The following CADM1 variants were observed in gnomAD, a reference collection of about 807,000 sequenced individuals.
The protein encoded by CADM1 is TSLC-1.
A neutral mutation model predicts 53.1 loss-of-function variants in CADM1; 15 were observed. That is an observed-to-expected ratio of 0.28 (90% CI 0.19 to 0.44). The LOEUF (loss-of-function observed/expected upper bound fraction) is 0.44. Ranked by LOEUF, CADM1 falls within the 20% of genes least tolerant of loss-of-function variation. The pLI, the probability that CADM1 is intolerant of heterozygous loss-of-function variation, is 1.00. For synonymous variants in CADM1, 281 were observed against 243.0 expected, an observed-to-expected ratio of 1.16 and a Z score of -1.45; for missense variants, 434 against 611.3, an observed-to-expected ratio of 0.71 and a Z score of 3.06.
chr11:115,418,412 A>T (rs2135263743), intron 1 of CADM1, among the ~76,000 whole-genome samples: 1 of 152,312 alleles, frequency 6.6e-6, no homozygotes, highest in African/African-American at 2.4e-5. Flanking sequence ...GAGAACTGAG[A>T]GATAAATATC....
chr11:115,402,508 G>A (rs965447241), intron 1 of CADM1, among the ~76,000 whole-genome samples: 10 of 152,142 alleles, frequency 6.6e-5, no homozygotes, highest in African/African-American at 2.4e-4. Flanking sequence ...GGGCGATAGA[G>A]TGAGACTCTG....
chr11:115,366,772 T>G (rs1355614988), intron 1 of CADM1, among the ~76,000 whole-genome samples: 5 of 152,090 alleles, frequency 3.3e-5, no homozygotes, highest in Non-Finnish European at 7.4e-5. Flanking sequence ...ACTGGAAATA[T>G]ATGACTTGAG....
intron 1 of CADM1, among the ~76,000 whole-genome samples, chr11:115,419,833 C>A (rs934037972): frequency 2.0e-5 from 3 of 152,152 alleles, no homozygotes; most frequent in Non-Finnish European, 4.4e-5. Flanking sequence ...GGCCTTTCTA[C>A]AGAAATTAAT....
At chr11:115,183,950 G>T (rs1939428313) in intron 10 of CADM1, among the ~76,000 whole-genome samples, 1 of 152,186 alleles carries the variant, frequency 6.6e-6, no homozygotes, top group African/African-American at 2.4e-5. Context: ...TTTTGCAACA[G>T]TTCTGTCACG....
rs59924462 is a variant in CADM1 at position 115,465,636 on chromosome 11, T to C, written c.124+38635A>G. Among the ~76,000 whole-genome samples the C allele has an allele frequency of 5.5e-3, 844 of 152,210 alleles. 6 individuals are homozygous for C. Among genetic ancestry groups the C allele is most frequent in the African/African-American group, 0.02 (817 of 41,540 alleles). ...CATTTTACAGACAAGAAAACGAAGGTTCAGGCAGGTTAGGTTACTTGCACA... is the reference window on the plus strand; with the variant it reads ...CATTTTACAGACAAGAAAACGAAGGCTCAGGCAGGTTAGGTTACTTGCACA... On this transcript the variant is annotated intron_variant, in intron 1 of 11. Coordinates refer to ENST00000331581, the MANE Select transcript of CADM1 (RefSeq NM_001301043.2).
intron 1 of CADM1, among the ~76,000 whole-genome samples, chr11:115,432,096 G>A (rs1206731701): frequency 1.3e-5 from 2 of 151,932 alleles, no homozygotes; most frequent in South Asian, 4.2e-4. Flanking sequence ...ACAGGTGCAC[G>A]CCACCACACC....
chr11:115,415,176 A>C (rs1180437638), intron 1 of CADM1, among the ~76,000 whole-genome samples: 1 of 152,228 alleles, frequency 6.6e-6, no homozygotes, highest in Non-Finnish European at 1.5e-5. Flanking sequence ...ATACCTGGAA[A>C]GTGAACTATT....
intron 1 of CADM1, among the ~76,000 whole-genome samples, chr11:115,463,403 G>A (rs1209002900): frequency 1.3e-5 from 2 of 151,940 alleles, no homozygotes; most frequent in Non-Finnish European, 2.9e-5. Flanking sequence ...AATTTCTTAG[G>A]TGCCATTCAC....
chr11:115,259,375 G>A (rs910725826), intron 1 of CADM1, among the ~76,000 whole-genome samples: 3 of 129,478 alleles, frequency 2.3e-5, no homozygotes, highest in South Asian at 2.5e-4. Context: ...GTGCCATCTC[G>A]GCTCACCGCA....
chr11:115,302,452 C>T (rs1343919234), intron 1 of CADM1, among the ~76,000 whole-genome samples: 1 of 151,802 alleles, frequency 6.6e-6, no homozygotes, highest in African/African-American at 2.4e-5. Flanking sequence ...TGGGAGTTTT[C>T]CAGATTTTTC....
chr11:115,244,961 G>T (rs750713989), intron 1 of CADM1, among the ~76,000 whole-genome samples: 1 of 152,174 alleles, frequency 6.6e-6, no homozygotes. Flanking sequence ...ACAAGCTCTC[G>T]CCCCCGCTGC....
chr11:115,188,516 G>A (rs1003122088), intron 10 of CADM1, among the ~76,000 whole-genome samples: 2 of 152,152 alleles, frequency 1.3e-5, no homozygotes, highest in East Asian at 1.9e-4. Flanking sequence ...GCGTGGGGGA[G>A]GTCGGGGCAA....
chr11:115,242,992 A>G (rs993244752), intron 1 of CADM1, among the ~76,000 whole-genome samples: 9 of 152,244 alleles, frequency 5.9e-5, no homozygotes, highest in African/African-American at 1.9e-4. Flanking sequence ...ACATGTATAT[A>G]GGGGATGGGA....
At chr11:115,498,359 C>T (rs1467074274) in intron 1 of CADM1, among the ~76,000 whole-genome samples, 2 of 152,152 alleles carry the variant, frequency 1.3e-5, no homozygotes, top group African/African-American at 4.8e-5. Context: ...GGTATTTATA[C>T]CATGGAGGCC....
intron 1 of CADM1, among the ~76,000 whole-genome samples, chr11:115,304,108 A>G (rs1372747119): frequency 6.6e-6 from 1 of 152,096 alleles, no homozygotes; most frequent in Non-Finnish European, 1.5e-5. Flanking sequence ...TAAATGCTGC[A>G]TGTGCTTTAT....
chr11:115,496,748 C>T (rs919226275), intron 1 of CADM1, among the ~76,000 whole-genome samples: 4 of 151,994 alleles, frequency 2.6e-5, no homozygotes, highest in African/African-American at 4.8e-5. Flanking sequence ...CAGAGAATGT[C>T]ACTTAGAAAC....
At chr11:115,369,834 G>GCAACAGCAACAGCAAATTTT (rs1946267586) in intron 1 of CADM1, among the ~76,000 whole-genome samples, 1 of 152,164 alleles carries the variant, frequency 6.6e-6, no homozygotes, top group African/African-American at 2.4e-5. Flanking sequence ...AGAAGGGAGA[G>GCAACAGCAACAGCAAATTTT]GCAACAGCAA....
At chr11:115,284,114 C>CTCTCTCTG (rs1351842329) in intron 1 of CADM1, among the ~76,000 whole-genome samples, 51 of 98,686 alleles carry the variant, frequency 5.2e-4, no homozygotes, top group Admixed American at 1.4e-3. Context: ...CTCTCTCTCT[C>CTCTCTCTG]TGTGTGTGTG....
intron 1 of CADM1, among the ~76,000 whole-genome samples, chr11:115,267,813 C>T (rs893874149): frequency 6.6e-6 from 1 of 151,282 alleles, no homozygotes; most frequent in African/African-American, 2.4e-5. Flanking sequence ...ACAGTTTAAC[C>T]TCCGAGAAGG....
Sources: allele counts gnomAD v4.1 joint callset (sites outside exome capture counted in the v4.1 genomes callset), GRCh38; gene constraint gnomAD v4.1.1; transcripts MANE v1.5; gene names NCBI Gene and HGNC (gene_info 2026-07-23, HGNC 2026-07-21).